NIM1K: variants seen among roughly 807,000 people sequenced by gnomAD.
NIM1K encodes the protein NIM1 serine/threonine protein kinase.
NIM1K carries 35 observed loss-of-function variants against 37.1 expected under a neutral mutation model. The observed-to-expected ratio is 0.94, with a 90% CI of 0.72 to 1.25. The LOEUF (loss-of-function observed/expected upper bound fraction) is 1.25, where lower values mean the gene tolerates loss of function less well. NIM1K is among the 50% of genes most tolerant of loss of function. The pLI, the probability that NIM1K is intolerant of heterozygous loss-of-function variation, is 0.00. For synonymous variants in NIM1K, 234 were observed against 206.6 expected, an observed-to-expected ratio of 1.13 and a Z score of -1.14; for missense variants, 564 against 548.0, an observed-to-expected ratio of 1.03 and a Z score of -0.29.
intron 1 of NIM1K, among the ~76,000 whole-genome samples, chr5:43,198,197 TTCTTTCTTTC>T (rs1561069915): frequency 0.091 from 4,791 of 52,892 alleles, 72 homozygotes; most frequent in Non-Finnish European, 0.096. Flanking sequence ...CTTTCTTTCT[TTCTTTCTTTC>T]TCTTTCTTTC....
chr5:43,248,962 C>T lies in NIM1K; in HGVS notation c.292+2895C>T, dbSNP rs1029485002. On this transcript the variant is annotated intron_variant, in intron 2 of 3. Transcript: ENST00000326035. ...TGATCTCAGCTCACCTCAACCTCCG[C>T]CTCCCAGGTTCAAGTGATTCTCCTG... Among the ~76,000 whole-genome samples, 393 of 152,034 alleles carry T rather than the reference C, an allele frequency of 2.6e-3. 1 individual carries two copies. Among genetic ancestry groups the T allele is most frequent in the African/African-American group, 9.1e-3 (377 of 41,486 alleles).
chr5:43,213,116 T>C (rs1265212200), intron 1 of NIM1K, among the ~76,000 whole-genome samples: 1 of 152,174 alleles, frequency 6.6e-6, no homozygotes, highest in Non-Finnish European at 1.5e-5. Context: ...AGTCCTCCTA[T>C]TTCTGGATTC....
In NIM1K at chr5:43,197,329, G is replaced by C. The variant is rs530677725; in HGVS notation, c.-695+4918G>C. Among the ~76,000 whole-genome samples, 5 of 149,726 alleles carry C rather than the reference G, an allele frequency of 3.3e-5. No individual in the cohort carries two copies. In the South Asian group the frequency reaches 8.5e-4, roughly 26 times the overall value. On this transcript the variant is annotated intron_variant, in intron 1 of 3. Transcript: ENST00000326035. ...TTTTTGTAGAGTTGTCGGTGGTAGG[G>C]GGGGCGGGCCTCTCTATGTTGCCCA... is the stretch of plus-strand genomic sequence containing the variant.
chr5:43,218,615 A>C (rs1752338995), intron 1 of NIM1K, among the ~76,000 whole-genome samples: 1 of 152,148 alleles, frequency 6.6e-6, no homozygotes, highest in Admixed American at 6.5e-5. Flanking sequence ...TCACTCACTA[A>C]CACAGGGGAC....
chr5:43,246,067 G>C lies in NIM1K; in HGVS notation c.292G>C (p.Glu98Gln). 6.2e-7 allele frequency: 1 copy of C among 1,605,658 alleles called. No individual in the cohort carries two copies. The highest frequency in any genetic ancestry group is 8.5e-7 in the Non-Finnish European group (1 of 1,175,322). Residue 98 changes from glutamate (E) to glutamine (Q), a missense_variant and splice_region_variant, in exon 2 of 4, where the codon GAA (glutamate) becomes CAA (glutamine). Glu to Gln is a conservative substitution (Grantham distance 29). Coordinates refer to ENST00000326035, the MANE Select transcript of NIM1K (RefSeq NM_153361.4). ...GCTTGGGATTCACTCCCTAACCAAA[G>C]GTAGGATCCGACTTCCCAAGGGTCA... is the stretch of plus-strand genomic sequence containing the variant. ...VKLGIHSLTKEKVAIKILDKT... is the reference protein window; with the variant it reads ...VKLGIHSLTKQKVAIKILDKT...
intron 1 of NIM1K, among the ~76,000 whole-genome samples, chr5:43,221,276 AC>A (rs1389314446): frequency 6.6e-6 from 1 of 151,808 alleles, no homozygotes; most frequent in African/African-American, 2.4e-5. Flanking sequence ...GGAGTTCGAG[AC>A]CAGCTTGGCC....
chr5:43,273,502 C>A (rs556504991), intron 2 of NIM1K, among the ~76,000 whole-genome samples: 1 of 152,188 alleles, frequency 6.6e-6, no homozygotes, highest in East Asian at 1.9e-4. Flanking sequence ...AGGCATCACA[C>A]CCGGCCCAGA....
intron 1 of NIM1K, among the ~76,000 whole-genome samples, chr5:43,219,603 T>C (rs1752352900): frequency 6.6e-6 from 1 of 152,202 alleles, no homozygotes. Context: ...TCAGGTGATA[T>C]TAAAACAATT....
intron 1 of NIM1K, among the ~76,000 whole-genome samples, chr5:43,244,028 T>C (rs1381879728): frequency 6.6e-6 from 1 of 152,216 alleles, no homozygotes; most frequent in Non-Finnish European, 1.5e-5. Flanking sequence ...TATCCAGAAA[T>C]AGGAGCAGTA....
At chr5:43,214,813 C>CAAAAAAAAAA (rs369233525) in intron 1 of NIM1K, among the ~76,000 whole-genome samples, 2 of 71,734 alleles carry the variant, frequency 2.8e-5, no homozygotes, top group Non-Finnish European at 5.2e-5. Context: ...GACTCCGTCT[C>CAAAAAAAAAA]AAAAAAAAAA....
At position 43,232,749 on chromosome 5, in the gene NIM1K, A is replaced by G. The variant is rs78623934; in HGVS notation, c.-694-12333A>G. On this transcript the variant is annotated intron_variant, in intron 1 of 3. Transcript: ENST00000326035. ...TGAACCCAGAACCAATTCCTTCACCAAAGCTGTGGAAAAACAAGAAGCCTT... is the reference window on the plus strand; with the variant it reads ...TGAACCCAGAACCAATTCCTTCACCGAAGCTGTGGAAAAACAAGAAGCCTT... 4,640 of 1,192,904 alleles carry G rather than the reference A, an allele frequency of 3.9e-3. 139 individuals are homozygous for G. The African/African-American group carries it at 0.064, about 16-fold the overall frequency. 73.9% of individuals were successfully genotyped at this position (1,192,904 alleles called of 1,614,324 possible). A position where few individuals can be genotyped will look rare whatever the true frequency, so the allele number is the denominator to read the frequency against.
intron 2 of NIM1K, among the ~76,000 whole-genome samples, chr5:43,260,908 G>A (rs537088426): frequency 2.6e-5 from 4 of 152,104 alleles, no homozygotes; most frequent in Admixed American, 2.6e-4. Context: ...ATGGTTTCCA[G>A]CTTCATCCAT....
rs1181399006 is a variant in NIM1K, at chr5:43,249,535, G to GA, written c.292+3470dup. Among the ~76,000 whole-genome samples, 10 of 152,190 alleles carry GA rather than the reference G, an allele frequency of 6.6e-5. 1 individual carries two copies. Among genetic ancestry groups the GA allele is most frequent in the Admixed American group, 6.5e-4 (10 of 15,270 alleles). On this transcript the variant is annotated intron_variant, in intron 2 of 3. Coordinates refer to ENST00000326035, the MANE Select transcript of NIM1K (RefSeq NM_153361.4). ...CTGATTGGATGTAGAACTGAAGATGGAAGGATGGACGAAGGCAATGACCTT... is the reference window on the plus strand; with the variant it reads ...CTGATTGGATGTAGAACTGAAGATGGAAAGGATGGACGAAGGCAATGACCTT...
rs2086134 is a variant in NIM1K, at chr5:43,266,609, G to A, written c.293-10448G>A. Reference sequence around the variant, plus strand: ...CCTGCCCTAGTTCAGCTCACACTTCGTGGGCTGCACCCACTGTCCAACAAG... The same window carrying A: ...CCTGCCCTAGTTCAGCTCACACTTCATGGGCTGCACCCACTGTCCAACAAG... On this transcript the variant is annotated intron_variant, in intron 2 of 3. Coordinates refer to ENST00000326035, the MANE Select transcript of NIM1K (RefSeq NM_153361.4). 9.7e-3 allele frequency among the ~76,000 whole-genome samples: 1,476 copies of A among 152,276 alleles called. 40 individuals are homozygous for A. The highest frequency in any genetic ancestry group is 0.085 in the East Asian group (440 of 5,186).
chr5:43,238,491 A>G (rs958000139), intron 1 of NIM1K, among the ~76,000 whole-genome samples: 8 of 151,120 alleles, frequency 5.3e-5, no homozygotes, highest in Non-Finnish European at 2.9e-5. Flanking sequence ...CATTTCCTTC[A>G]AGTTCCTTTT....
chr5:43,238,200 G>A (rs1752648537), intron 1 of NIM1K, among the ~76,000 whole-genome samples: 1 of 151,684 alleles, frequency 6.6e-6, no homozygotes, highest in Admixed American at 6.6e-5. Context: ...CCGCCACCAC[G>A]CCCGGCTAAT....
intron 3 of NIM1K, among the ~76,000 whole-genome samples, chr5:43,278,462 C>T (rs1389870397): frequency 3.9e-5 from 6 of 152,180 alleles, no homozygotes; most frequent in South Asian, 2.1e-4. Context: ...TAATTTTGGC[C>T]GTATTGCGGG....
intron 1 of NIM1K, among the ~76,000 whole-genome samples, chr5:43,221,623 T>A (rs900656518): frequency 1.3e-5 from 2 of 152,094 alleles, no homozygotes; most frequent in African/African-American, 4.8e-5. Context: ...AGAAGATTTA[T>A]GAATAGAAAA....
chr5:43,232,377 G>A (rs1752552201), intron 1 of NIM1K: 1 of 1,383,806 alleles, frequency 7.2e-7, no homozygotes, highest in Non-Finnish European at 1.0e-6. Context: ...AGACGGAAGT[G>A]GATGGGGGGA....
Sources: gnomAD v4.1 joint callset for allele counts (sites outside exome capture counted in the v4.1 genomes callset) on GRCh38, gnomAD v4.1.1 for gene constraint, MANE v1.5 for transcripts, NCBI Gene and HGNC (gene_info 2026-07-23, HGNC 2026-07-21) for gene names.